The following BCOR variants were observed in gnomAD, a reference collection of about 807,000 sequenced individuals.
BCOR encodes the protein BCL-6 corepressor.
A neutral mutation model predicts 86.7 loss-of-function variants in BCOR; 10 were observed. The observed-to-expected ratio is 0.12, with a 90% confidence interval of 0.07 to 0.20. The LOEUF (loss-of-function observed/expected upper bound fraction) is 0.20, where lower values mean the gene tolerates loss of function less well. BCOR is among the 10% of genes least tolerant of loss of function. The pLI is 1.00. For missense variants in BCOR, 1,259 were observed against 1,452.1 expected (o/e 0.87, Z 2.16); for synonymous variants, 611 against 609.0 (o/e 1.00, Z -0.05).
chrX:40,076,417 G>A, intron 3 of BCOR, 37 bp downstream of exon 3: 1 of 983,039 alleles, frequency 1.0e-6, no homozygotes, highest in South Asian at 1.9e-5. Flanking sequence ...TCACTGATAT[G>A]CAGATATGGC....
At chrX:40,154,686 T>G (rs1270574989) in intron 1 of BCOR, among the ~76,000 whole-genome samples, 1 of 110,793 alleles carries the variant, frequency 9.0e-6, no homozygotes, top group Non-Finnish European at 1.9e-5. Context: ...CCTCGTGCTG[T>G]TCCTTGTGTC....
upstream of BCOR, among the ~76,000 whole-genome samples, chrX:40,098,604 C>A (rs765911745): frequency 2.6e-3 from 287 of 111,791 alleles, 1 homozygote; most frequent in Admixed American, 5.8e-3. Context: ...CCAGCGGCAG[C>A]AGCCGCTGCC....
rs574176225 is a variant in BCOR at position 40,167,903 on chromosome X, C to T, written c.-41+9104G>A. 5.3e-5 allele frequency among the ~76,000 whole-genome samples: 6 copies of T among 113,160 alleles called. No individual in the cohort carries two copies. The South Asian group carries it at 2.2e-3, about 41-fold the overall frequency. Reference sequence around the variant, plus strand: ...ATACACAGGTGTTGGCTTCAGGAGGCTCCACCTGGCCGGGCCGCGAGGCCT... The same window carrying T: ...ATACACAGGTGTTGGCTTCAGGAGGTTCCACCTGGCCGGGCCGCGAGGCCT... On this transcript the variant is annotated intron_variant, in intron 1 of 14. Coordinates refer to the BCOR transcript ENST00000342274.
intron 1 of BCOR, among the ~76,000 whole-genome samples, chrX:40,152,664 AGGCCACCCG>A (rs1938193085): frequency 8.9e-6 from 1 of 112,457 alleles, no homozygotes; most frequent in Non-Finnish European, 1.9e-5. Flanking sequence ...CCCCACCCCC[AGGCCACCCG>A]GGCCCCGGAG....
chrX:40,175,743 C>G (rs766419376), intron 1 of BCOR, among the ~76,000 whole-genome samples: 10 of 112,931 alleles, frequency 8.9e-5, no homozygotes, highest in African/African-American at 3.2e-4. Context: ...CCCGAGCGGT[C>G]GCAGGGAAGA....
In BCOR at chrX:40,072,797, C is replaced by T. The variant is rs923387791; in HGVS notation, c.2549G>A (p.Arg850His). The T allele has an allele frequency of 6.6e-6, 8 of 1,210,005 alleles. No individual in the cohort carries two copies. The highest frequency in any genetic ancestry group is 5.9e-5 in the East Asian group (2 of 33,791). The change falls in exon 4 of 15, where the codon CGT becomes CAT. Residue 850 changes from arginine to histidine, a missense_variant. Arg to His is a conservative substitution (Grantham distance 29). This residue lies in a region of BCOR where 534 missense variants were observed against 594.8 expected (regional missense o/e 0.90). Transcript: ENST00000378444. ...PSVEPALQQH[R>H]DFIALREELG... ...CTCCTCTCTCAGGGCGATGAAATCA[C>T]GGTGCTGCTGCAGGGCCGGCTCAAC...
intron 14 of BCOR, among the ~76,000 whole-genome samples, chrX:40,053,431 C>T (rs1211265999): frequency 8.9e-6 from 1 of 111,988 alleles, no homozygotes; most frequent in African/African-American, 3.2e-5. Context: ...AATCTGATGA[C>T]ACACCAATAT....
intron 1 of BCOR, among the ~76,000 whole-genome samples, chrX:40,117,989 C>T (rs1937422312): frequency 1.0e-5 from 1 of 97,937 alleles, no homozygotes; most frequent in African/African-American, 4.1e-5. Flanking sequence ...TCTCCACCCC[C>T]CCCACCCCTT....
rs778532489 is a variant in BCOR, at chrX:40,072,748, G to A, written c.2598C>T (p.His866=). 135 of 1,210,030 alleles carry A rather than the reference G, an allele frequency of 1.1e-4. 1 individual carries two copies. The highest frequency in any genetic ancestry group is 1.3e-4 in the Non-Finnish European group (119 of 895,295). ...REELGRISDF[H]ETYTFKQPVF... ...CTGGCTGTTTGAAAGTATAAGTTTC[G>A]TGGAAGTCACTGATGCGCCCCAACT... The change falls in exon 4 of 15, where the codon CAC becomes CAT. Residue 866 remains histidine, a synonymous_variant. Coordinates refer to ENST00000378444, the MANE Select transcript of BCOR (RefSeq NM_001123385.2).
At chrX:40,177,064 G>T (rs1452509429) in exon 1 of BCOR, 1 of 106,424 alleles carries the variant, frequency 9.4e-6, no homozygotes, top group Non-Finnish European at 1.9e-5. Context: ...AAACCCAGCA[G>T]CCACGGCTTC....
At chrX:40,078,464 G>C (rs773733116) in intron 1 of BCOR, among the ~76,000 whole-genome samples, 1 of 111,922 alleles carries the variant, frequency 8.9e-6, no homozygotes, top group Non-Finnish European at 1.9e-5. Context: ...GTGAGCGGCA[G>C]GTCCAGCTCT....
intron 1 of BCOR, among the ~76,000 whole-genome samples, chrX:40,087,959 T>C (rs1024015654): frequency 8.9e-6 from 1 of 112,671 alleles, no homozygotes; most frequent in African/African-American, 3.2e-5. Flanking sequence ...CTGTACTTCA[T>C]TTATTCTTTC....
intron 2 of BCOR, chrX:40,077,578 G>A: frequency 2.5e-6 from 1 of 401,847 alleles, no homozygotes; most frequent in Non-Finnish European, 4.4e-6. Flanking sequence ...TATATAGACT[G>A]GGATTAATTC....
intron 1 of BCOR, among the ~76,000 whole-genome samples, chrX:40,092,463 GA>G (rs1245697893): frequency 7.4e-4 from 75 of 101,637 alleles, no homozygotes; most frequent in Admixed American, 2.3e-3. Flanking sequence ...TCCTCCAGAG[GA>G]AAAAAAAAAA....
intron 1 of BCOR, among the ~76,000 whole-genome samples, chrX:40,084,598 C>CA (rs1214269237): frequency 9.0e-6 from 1 of 111,119 alleles, no homozygotes; most frequent in Admixed American, 9.5e-5. Flanking sequence ...AACCTGGGGG[C>CA]AAATCCAGAA....
In BCOR at chrX:40,077,899, C is replaced by A. The variant is rs772165033; in HGVS notation, c.31G>T (p.Val11Phe). ...CTCTCGCTGTTCATCCAGCTGTGAA[C>A]GTTCCCATACAGGGGGGTTGCTGAG... MLSATPLYGN[V>F]HSWMNSERVR... is the part of the protein sequence containing the mutation. The change falls in exon 2 of 15, where the codon GTT (valine) becomes TTT (phenylalanine). Residue 11 changes from valine (V) to phenylalanine (F), a missense_variant. Coordinates refer to ENST00000378444, the MANE Select transcript of BCOR (RefSeq NM_001123385.2). 1 of 1,211,929 alleles carries A rather than the reference C, an allele frequency of 8.3e-7. No individual in the cohort carries two copies. The highest frequency in any genetic ancestry group is 1.1e-6 in the Non-Finnish European group (1 of 895,277).
intron 1 of BCOR, among the ~76,000 whole-genome samples, chrX:40,121,988 T>C (rs1448066501): frequency 8.9e-6 from 1 of 111,822 alleles, no homozygotes; most frequent in Non-Finnish European, 1.9e-5. Flanking sequence ...ATGGCATTCA[T>C]TGAATGAAGG....
At chrX:40,080,975 GCA>G (rs1188244446) in intron 1 of BCOR, among the ~76,000 whole-genome samples, 12 of 34,531 alleles carry the variant, frequency 3.5e-4, no homozygotes, top group African/African-American at 1.1e-3. Flanking sequence ...ACGCACACGC[GCA>G]CACACACACG....
At chrX:40,154,853 CCT>C (rs1388011298) in intron 1 of BCOR, among the ~76,000 whole-genome samples, 3 of 112,548 alleles carry the variant, frequency 2.7e-5, no homozygotes, top group African/African-American at 9.7e-5. Flanking sequence ...CGGAGACGGC[CCT>C]GTTATTCCTC....
Sources: gnomAD v4.1 joint callset for allele counts (sites outside exome capture counted in the v4.1 genomes callset) on GRCh38, gnomAD v4.1.1 for gene constraint, gnomAD v4.1.1 regional missense constraint, MANE v1.5 for transcripts, NCBI Gene and HGNC (gene_info 2026-07-23, HGNC 2026-07-21) for gene names.